Variants in EPM2A observed in about 807,000 individuals in gnomAD.
EPM2A encodes the protein laforin.
EPM2A carries 21 observed loss-of-function variants against 26.5 expected under a neutral mutation model. That is an observed-to-expected ratio of 0.79 (90% CI 0.56 to 1.14). The LOEUF (loss-of-function observed/expected upper bound fraction) is 1.14. EPM2A is among the 50% of genes most tolerant of loss of function. The pLI, the probability that EPM2A is intolerant of heterozygous loss-of-function variation, is 0.00. For missense variants in EPM2A, 458 were observed against 440.8 expected, an observed-to-expected ratio of 1.04 and a Z score of -0.35; for synonymous variants, 217 against 177.6, an observed-to-expected ratio of 1.22 and a Z score of -1.76.
chr6:145,637,880 A>T (rs188615566), intron 2 of EPM2A: 12 of 152,262 alleles, frequency 7.9e-5, no homozygotes, highest in Admixed American at 4.6e-4. Flanking sequence ...AAGATCCCTT[A>T]CCCAGGGACC....
At chr6:145,713,755 A>G (rs138644190) in intron 1 of EPM2A, among the ~76,000 whole-genome samples, 1 of 152,354 alleles carries the variant, frequency 6.6e-6, no homozygotes, top group African/African-American at 2.4e-5. Flanking sequence ...CAATACAAGT[A>G]AAAACATATG....
rs188098951 is a variant in EPM2A, at chr6:145,612,239, A to T, written c.340+23006T>A. Among the ~76,000 whole-genome samples the T allele has an allele frequency of 1.5e-4, 23 of 152,320 alleles. No individual in the cohort carries two copies. In the East Asian group the frequency reaches 4.4e-3, roughly 29 times the overall value. ...CGTATTTATTTATATCTCTGTTTTT[A>T]AAGAAATTAGATTTTGCATTTTATA... On this transcript the variant is annotated intron_variant, in intron 2 of 3. Coordinates refer to the EPM2A transcript ENST00000450221.
At position 145,543,523 on chromosome 6, in the gene EPM2A, G is replaced by GA. The variant is rs879609904; in HGVS notation, c.341-40949dup. On this transcript the variant is annotated intron_variant, in intron 2 of 3. Transcript: ENST00000450221. ...CATACAATTAATTTTGGTAGAACTA[G>GA]AAAAAAAAATAAAGTTTACTGGTTC... 7.8e-3 allele frequency among the ~76,000 whole-genome samples: 1,172 copies of GA among 149,474 alleles called. 15 individuals carry two copies. The highest frequency in any genetic ancestry group is 0.027 in the African/African-American group (1,109 of 40,828).
At chr6:145,668,347 G>A (rs978137008) in intron 2 of EPM2A, among the ~76,000 whole-genome samples, 6 of 151,942 alleles carry the variant, frequency 3.9e-5, no homozygotes, top group Non-Finnish European at 7.4e-5. Flanking sequence ...TAAACTACAA[G>A]GCAAATGACT....
At chr6:145,662,606 C>T (rs6570707) in intron 2 of EPM2A, among the ~76,000 whole-genome samples, 10,149 of 152,144 alleles carry the variant, frequency 0.067, 1,137 homozygotes, top group African/African-American at 0.23. Context: ...TAGGAATTTA[C>T]AGTCAAGGAG....
At chr6:145,684,338 A>G (rs1222072018) in intron 2 of EPM2A, among the ~76,000 whole-genome samples, 1 of 152,128 alleles carries the variant, frequency 6.6e-6, no homozygotes, top group Non-Finnish European at 1.5e-5. Flanking sequence ...AGTGGAAAAA[A>G]ATCTCCAGAG....
At chr6:145,712,038 A>C (rs1287466880) in intron 1 of EPM2A, among the ~76,000 whole-genome samples, 1 of 152,328 alleles carries the variant, frequency 6.6e-6, no homozygotes, top group African/African-American at 2.4e-5. Context: ...AACTGAAGCA[A>C]GAACACACAT....
chr6:145,389,759 G>A (rs935266189), intron 4 of EPM2A, among the ~76,000 whole-genome samples: 1 of 152,172 alleles, frequency 6.6e-6, no homozygotes, highest in South Asian at 2.1e-4. Flanking sequence ...CAGAGTACAC[G>A]AAGAGTAATT....
At chr6:145,635,184 A>G in intron 3 of EPM2A, 61 bp downstream of exon 3, 1 of 1,589,264 alleles carries the variant, frequency 6.3e-7, no homozygotes. Flanking sequence ...ATAGATAGAC[A>G]GACAGACAGC....
At chr6:145,503,330 T>A (rs915392570) in intron 2 of EPM2A, among the ~76,000 whole-genome samples, 2 of 147,562 alleles carry the variant, frequency 1.4e-5, no homozygotes, top group African/African-American at 2.5e-5. Flanking sequence ...ACATGATTGT[T>A]TATCTAGAAA....
At chr6:145,690,530 A>G (rs570085792) in intron 1 of EPM2A, among the ~76,000 whole-genome samples, 1 of 150,578 alleles carries the variant, frequency 6.6e-6, no homozygotes, top group South Asian at 2.1e-4. Flanking sequence ...AGAAAAAAAA[A>G]AAAAAAAAAA....
intron 2 of EPM2A, among the ~76,000 whole-genome samples, chr6:145,531,311 T>C (rs531335509): frequency 6.6e-6 from 1 of 152,214 alleles, no homozygotes; most frequent in African/African-American, 2.4e-5. Flanking sequence ...GCATCCAATA[T>C]AAACCCCAAG....
At chr6:145,586,679 T>C (rs1781199871) in intron 2 of EPM2A, among the ~76,000 whole-genome samples, 1 of 152,188 alleles carries the variant, frequency 6.6e-6, no homozygotes, top group South Asian at 2.1e-4. Flanking sequence ...TAGATCTTTA[T>C]GGTGTTCCCC....
chr6:145,484,259 G>T (rs769427529), intron 4 of EPM2A, among the ~76,000 whole-genome samples: 1 of 151,994 alleles, frequency 6.6e-6, no homozygotes, highest in East Asian at 1.9e-4. Context: ...TTGGTTTCAG[G>T]CCCCCTAAAT....
intron 2 of EPM2A, among the ~76,000 whole-genome samples, chr6:145,678,679 A>G (rs7749377): frequency 0.067 from 10,152 of 152,192 alleles, 1,138 homozygotes; most frequent in African/African-American, 0.23. Flanking sequence ...TCAGAGAAAT[A>G]CAAATCAAAA....
At chr6:145,464,332 C>T (rs1311825421) in intron 4 of EPM2A, among the ~76,000 whole-genome samples, 6 of 152,120 alleles carry the variant, frequency 3.9e-5, no homozygotes, top group Non-Finnish European at 7.4e-5. Context: ...TCAATTAAAC[C>T]TCTTTCCTTT....
intron 4 of EPM2A, among the ~76,000 whole-genome samples, chr6:145,442,012 G>A (rs188946077): frequency 1.3e-5 from 2 of 152,256 alleles, no homozygotes; most frequent in East Asian, 1.9e-4. Context: ...AATCTCTAGG[G>A]CAGGGGCAAA....
intron 2 of EPM2A, among the ~76,000 whole-genome samples, chr6:145,533,128 A>G (rs1254240995): frequency 6.6e-6 from 1 of 152,134 alleles, no homozygotes; most frequent in African/African-American, 2.4e-5. Context: ...ACAACAAAAA[A>G]ATACCTGTTT....
intron 1 of EPM2A, among the ~76,000 whole-genome samples, chr6:145,723,410 G>T (rs145953907): frequency 6.6e-6 from 1 of 151,960 alleles, no homozygotes; most frequent in Admixed American, 6.6e-5. Flanking sequence ...ATATAATTTA[G>T]ACTATATACA....
Sources: allele counts gnomAD v4.1 joint callset (sites outside exome capture counted in the v4.1 genomes callset), GRCh38; gene constraint gnomAD v4.1.1; transcripts MANE v1.5; gene names NCBI Gene and HGNC (gene_info 2026-07-23, HGNC 2026-07-21).